Variants in CPLX1 observed in about 807,000 individuals in gnomAD.
CPLX1 encodes complexin 1.
A neutral mutation model predicts 15.6 loss-of-function variants in CPLX1; 6 were observed. That is an observed-to-expected ratio of 0.39 (90% confidence interval 0.21 to 0.76). The LOEUF is 0.76. CPLX1 is among the 30% of genes least tolerant of loss of function. The pLI, the probability that CPLX1 is intolerant of heterozygous loss-of-function variation, is 0.43. For synonymous variants in CPLX1, 91 were observed against 75.2 expected (o/e 1.21, Z -1.08); for missense variants, 242 against 188.6 (o/e 1.28, Z -1.66).
intron 2 of CPLX1, chr4:804,861 A>T (rs1433944005): frequency 2.1e-6 from 2 of 940,108 alleles, no homozygotes; most frequent in Non-Finnish European, 2.5e-6. Context: ...CCTCCACGGG[A>T]AAGGTGGGCG....
Position 786,959 on chromosome 4 carries a change from G to GGA in CPLX1, c.208-263_208-262dup, listed in dbSNP as rs1746013904. The GGA allele has an allele frequency of 9.1e-6, 9 of 985,002 alleles. No homozygotes were observed. In the South Asian group the frequency reaches 3.3e-4, roughly 36 times the overall value. The allele number at this position is 985,002 out of a possible 1,614,324, so 61.0% of individuals were successfully genotyped here. ...GGGGAGGCTCCCATCTTCCTTGAGAGGAGAGAGGGCTGTGGCCCCACCTCT... is the reference window on the plus strand; with the variant it reads ...GGGGAGGCTCCCATCTTCCTTGAGAGGAGAGAGAGGGCTGTGGCCCCACCTCT... On this transcript the variant is annotated intron_variant, in intron 3 of 3. Transcript: ENST00000304062.
At chr4:820,983 C>T (rs1018375443) in intron 2 of CPLX1, among the ~76,000 whole-genome samples, 6 of 152,168 alleles carry the variant, frequency 3.9e-5, no homozygotes, top group African/African-American at 9.7e-5. Context: ...TCGTCCACCC[C>T]GGCTTGGATG....
intron 2 of CPLX1, among the ~76,000 whole-genome samples, chr4:812,308 C>T (rs1263222892): frequency 2.0e-5 from 3 of 151,958 alleles, no homozygotes; most frequent in East Asian, 3.9e-4. Context: ...ATCTCCTCAC[C>T]TCAGGTGATT....
chr4:785,358 A>T lies in CPLX1; in HGVS notation c.*1143T>A, dbSNP rs1182577531. 1 of 152,492 alleles carries T rather than the reference A, an allele frequency of 6.6e-6. No homozygotes were observed. The highest frequency in any genetic ancestry group is 1.5e-5 in the Non-Finnish European group (1 of 68,030). 9.4% of individuals were successfully genotyped at this position (152,492 alleles called of 1,614,324 possible). On this transcript the variant is annotated 3_prime_UTR_variant, in exon 4 of 4. Transcript: ENST00000304062. The stretch of plus-strand genomic sequence containing the variant: ...CGTTATGGCTTCTCTAAAGCTATGT[A>T]AGGTCATGAAGGTCAATGCCAAGCC...
At chr4:825,391 C>T (rs1746958870) in intron 1 of CPLX1, among the ~76,000 whole-genome samples, 1 of 152,206 alleles carries the variant, frequency 6.6e-6, no homozygotes, top group South Asian at 2.1e-4. Context: ...GAGACTCGCG[C>T]GGGGACTGGG....
In CPLX1 at chr4:807,730, G is replaced by A. The variant is rs150977465; in HGVS notation, c.32-15122C>T. On this transcript the variant is annotated intron_variant, in intron 2 of 3. Coordinates refer to ENST00000304062, the MANE Select transcript of CPLX1 (RefSeq NM_006651.4). ...AACTCCTGACCTCAGGTGATCCGCC[G>A]TCCTCGGCCTCCCAAAGTACTGAAA... 1.6e-3 allele frequency among the ~76,000 whole-genome samples: 245 copies of A among 152,050 alleles called. 6 individuals are homozygous for A. The East Asian group carries it at 0.041, about 25-fold the overall frequency.
rs141117145 is a variant in CPLX1, at chr4:814,864, G to A, written c.31+9628C>T. On this transcript the variant is annotated intron_variant, in intron 2 of 3. Transcript: ENST00000304062. ...GGGTCGGGTAACTAGCGTTCAAGCC[G>A]TCCACCAGGTGAAAGAAGGATTCCA... Among the ~76,000 whole-genome samples the A allele has an allele frequency of 4.8e-3, 733 of 152,308 alleles. 5 individuals carry two copies. Among genetic ancestry groups the A allele is most frequent in the African/African-American group, 0.017 (689 of 41,552 alleles).
chr4:815,344 G>C (rs1037071991), intron 2 of CPLX1, among the ~76,000 whole-genome samples: 28 of 148,676 alleles, frequency 1.9e-4, no homozygotes, highest in African/African-American at 5.7e-4. Context: ...CCAGGAGGTG[G>C]AGCTTTCAGT....
chr4:808,519 G>A (rs79776813), intron 2 of CPLX1, among the ~76,000 whole-genome samples: 1 of 152,304 alleles, frequency 6.6e-6, no homozygotes, highest in Non-Finnish European at 1.5e-5. Context: ...ACCAAGGCAG[G>A]CAGAGGAAAG....
At chr4:786,728 G>GTCCCGGCGGC (rs747657264) in intron 3 of CPLX1, 30 bp from the exon 4 acceptor site, 233 of 1,556,434 alleles carry the variant, frequency 1.5e-4, no homozygotes, top group Admixed American at 1.9e-4. Context: ...CAGGGCGGGG[G>GTCCCGGCGGC]TCCCGGCGGC....
intron 3 of CPLX1, among the ~76,000 whole-genome samples, chr4:790,706 A>G (rs1746142869): frequency 6.6e-6 from 1 of 151,992 alleles, no homozygotes; most frequent in Admixed American, 6.5e-5. Flanking sequence ...CCCTGGATAC[A>G]CGGACCCACA....
At chr4:816,767 A>T (rs1746764486) in intron 2 of CPLX1, among the ~76,000 whole-genome samples, 1 of 152,122 alleles carries the variant, frequency 6.6e-6, no homozygotes. Flanking sequence ...GGCTGCAGTG[A>T]GCTGTGATCG....
At chr4:821,057 G>A (rs1282991854) in intron 2 of CPLX1, among the ~76,000 whole-genome samples, 4 of 152,168 alleles carry the variant, frequency 2.6e-5, no homozygotes, top group Non-Finnish European at 5.9e-5. Flanking sequence ...CTCCCCAGAT[G>A]TTCACCTGCT....
At chr4:810,187 T>C (rs552632413) in intron 2 of CPLX1, among the ~76,000 whole-genome samples, 44 of 152,038 alleles carry the variant, frequency 2.9e-4, no homozygotes, top group Admixed American at 5.9e-4. Context: ...GTAGCTGGGA[T>C]TACAGGCGCC....
At chr4:808,125 C>T (rs2152646404) in intron 2 of CPLX1, among the ~76,000 whole-genome samples, 1 of 152,164 alleles carries the variant, frequency 6.6e-6, no homozygotes, top group Non-Finnish European at 1.5e-5. Context: ...AAAAATTCGC[C>T]AGGCATAGTG....
At position 819,904 on chromosome 4, in the gene CPLX1, C is replaced by T. The variant is rs192477023; in HGVS notation, c.31+4588G>A. 1.6e-4 allele frequency among the ~76,000 whole-genome samples: 25 copies of T among 152,324 alleles called. No individual in the cohort carries two copies. In the East Asian group the frequency reaches 3.7e-3, roughly 22 times the overall value. On this transcript the variant is annotated intron_variant, in intron 2 of 3. Coordinates refer to ENST00000304062, the MANE Select transcript of CPLX1 (RefSeq NM_006651.4). ...CTGAGCATGAAAGATCCACTGAGGA[C>T]GAAGGTGGCACCTGATGGCACCAGG...
At chr4:795,447 A>G (rs1408119268) in intron 2 of CPLX1, among the ~76,000 whole-genome samples, 1 of 152,140 alleles carries the variant, frequency 6.6e-6, no homozygotes, top group Non-Finnish European at 1.5e-5. Context: ...CCGTTTCCAG[A>G]GGAGGCCGCT....
intron 2 of CPLX1, among the ~76,000 whole-genome samples, chr4:822,027 G>A (rs116530141): frequency 0.014 from 2,190 of 152,222 alleles, 57 homozygotes; most frequent in African/African-American, 0.049. Context: ...TGCTGCCTGC[G>A]CTCCTGGCCC....
At chr4:817,616 G>T (rs1293679003) in intron 2 of CPLX1, among the ~76,000 whole-genome samples, 31 of 152,028 alleles carry the variant, frequency 2.0e-4, no homozygotes, top group Admixed American at 2.0e-3. Flanking sequence ...ACAAGACCCA[G>T]CATAATCAGG....
Sources: gnomAD v4.1 joint callset for allele counts (sites outside exome capture counted in the v4.1 genomes callset) on GRCh38, gnomAD v4.1.1 for gene constraint, MANE v1.5 for transcripts, NCBI Gene and HGNC (gene_info 2026-07-23, HGNC 2026-07-21) for gene names.